EYS: variants seen among roughly 807,000 people sequenced by gnomAD.
EYS encodes the protein protein eyes shut homolog.
In EYS, 250 loss-of-function variants were observed where a neutral mutation model predicts 282.1. The observed-to-expected ratio is 0.89, with a 90% CI of 0.80 to 0.98. The LOEUF (loss-of-function observed/expected upper bound fraction) is 0.98, where lower values mean the gene tolerates loss of function less well. Ranked by LOEUF, EYS falls within the 50% of genes least tolerant of loss-of-function variation. EYS has a pLI of 0.00. For missense variants in EYS, 4,016 were observed against 3,709.0 expected (o/e 1.08, Z -2.15); for synonymous variants, 1,355 against 1,282.9 (o/e 1.06, Z -1.20).
rs527236067 is a variant in EYS, at chr6:63,721,226, G to T, written c.8805C>A (p.Tyr2935Ter). The T allele has an allele frequency of 4.3e-5, 66 of 1,551,654 alleles. No homozygotes were observed. The East Asian group carries it at 1.6e-3, about 37-fold the overall frequency. Residue 2935 changes from tyrosine (Y) to a stop codon, truncating the protein, a stop_gained, in exon 43 of 43, where the codon TAC becomes TAA. Coordinates refer to ENST00000503581, the MANE Select transcript of EYS (RefSeq NM_001142800.2). LOFTEE classifies it high-confidence loss of function. ...SLCIPDQSFS[Y>*]SCLCTLGWVG... is the part of the protein sequence containing the mutation. ...CCCAACCCAAAGTACACAGGCAACTGTAAGAAAATGATTGGTCAGGTATAC... is the reference window on the plus strand; with the variant it reads ...CCCAACCCAAAGTACACAGGCAACTTTAAGAAAATGATTGGTCAGGTATAC...
intron 29 of EYS, among the ~76,000 whole-genome samples, chr6:64,321,368 A>G (rs1428769294): frequency 1.3e-5 from 2 of 151,824 alleles, no homozygotes; most frequent in East Asian, 3.8e-4. Context: ...ATATAATCAA[A>G]TTTCATTAGT....
At chr6:64,526,421 A>C (rs1777922079) in intron 26 of EYS, among the ~76,000 whole-genome samples, 1 of 151,816 alleles carries the variant, frequency 6.6e-6, no homozygotes, top group South Asian at 2.1e-4. Flanking sequence ...AAAAAGTTTA[A>C]TTTAAAACAA....
rs564564005 is a variant in EYS at position 64,655,815 on chromosome 6, T to C, written c.3444-29570A>G. Among the ~76,000 whole-genome samples the C allele has an allele frequency of 2.6e-5, 4 of 152,262 alleles. No homozygotes were observed. The South Asian group carries it at 8.3e-4, about 32-fold the overall frequency. ...ATAATAAATATCATATGGTCCATAA[T>C]GAATAGTATAGTGAATGCATACATC... is the stretch of plus-strand genomic sequence containing the variant. On this transcript the variant is annotated intron_variant, in intron 22 of 42. Transcript: ENST00000503581.
chr6:65,681,043 G>T (rs538786688), intron 1 of EYS, among the ~76,000 whole-genome samples: 1 of 150,410 alleles, frequency 6.6e-6, no homozygotes, highest in Admixed American at 6.7e-5. Flanking sequence ...CATCATCTAT[G>T]GGGGCCAACA....
At chr6:63,825,621 A>C (rs1226457408) in intron 36 of EYS, among the ~76,000 whole-genome samples, 1 of 152,172 alleles carries the variant, frequency 6.6e-6, no homozygotes, top group Admixed American at 6.5e-5. Context: ...GACTCGCTGG[A>C]TGGTTAGACC....
In EYS at chr6:64,325,648, T is replaced by C. The variant is rs913154135; in HGVS notation, c.6079-18566A>G. Among the ~76,000 whole-genome samples the C allele has an allele frequency of 2.6e-5, 4 of 151,998 alleles. No individual in the cohort carries two copies. The South Asian group carries it at 6.2e-4, about 24-fold the overall frequency. On this transcript the variant is annotated intron_variant, in intron 29 of 42. Transcript: ENST00000503581. Reference sequence around the variant, plus strand: ...GGCACCAGAGAAAGGTGAAGCCCAGTGCAAGGAAATCCAAAAAACAATACA... The same window carrying C: ...GGCACCAGAGAAAGGTGAAGCCCAGCGCAAGGAAATCCAAAAAACAATACA...
chr6:64,417,111 G>C (rs1242214966), intron 28 of EYS, among the ~76,000 whole-genome samples: 1 of 152,014 alleles, frequency 6.6e-6, no homozygotes, highest in Non-Finnish European at 1.5e-5. Flanking sequence ...TGGACACAGT[G>C]GTATGATAAT....
At chr6:64,346,172 C>T (rs1219212878) in intron 29 of EYS, among the ~76,000 whole-genome samples, 22 of 151,938 alleles carry the variant, frequency 1.4e-4, no homozygotes, top group South Asian at 1.0e-3. Context: ...GAACTAGAAA[C>T]ACCATTTGAC....
intron 19 of EYS, among the ~76,000 whole-genome samples, chr6:64,870,547 A>C (rs961560516): frequency 2.6e-5 from 4 of 151,878 alleles, no homozygotes; most frequent in African/African-American, 9.6e-5. Context: ...AGAAGGAAAC[A>C]GGAAAAGATG....
intron 29 of EYS, among the ~76,000 whole-genome samples, chr6:64,350,209 T>C (rs1271482497): frequency 6.6e-6 from 1 of 151,462 alleles, no homozygotes; most frequent in Non-Finnish European, 1.5e-5. Flanking sequence ...CAGATCCACA[T>C]CTATAATGTT....
chr6:65,232,140 G>C (rs1384529741), intron 12 of EYS, among the ~76,000 whole-genome samples: 2 of 151,952 alleles, frequency 1.3e-5, no homozygotes, highest in Non-Finnish European at 2.9e-5. Flanking sequence ...GAAGTTCCAA[G>C]AGACATATTC....
intron 35 of EYS, among the ~76,000 whole-genome samples, chr6:63,902,717 AT>A (rs1773686451): frequency 6.6e-6 from 1 of 152,212 alleles, no homozygotes; most frequent in Admixed American, 6.5e-5. Flanking sequence ...CACTAAGAAA[AT>A]AATACAAAAT....
At chr6:64,626,053 C>T (rs1767598628) in intron 23 of EYS, 68 bp downstream of exon 23, 2 of 917,208 alleles carry the variant, frequency 2.2e-6, no homozygotes, top group African/African-American at 3.4e-5. Flanking sequence ...CATACATGTC[C>T]ATATACATTT....
intron 28 of EYS, among the ~76,000 whole-genome samples, chr6:64,423,794 C>A (rs926168279): frequency 6.6e-6 from 1 of 151,972 alleles, no homozygotes; most frequent in African/African-American, 2.4e-5. Flanking sequence ...GACGACAGAG[C>A]AAGACTCCAT....
chr6:65,287,302 T>C (rs1055922217), intron 12 of EYS, among the ~76,000 whole-genome samples: 1 of 151,522 alleles, frequency 6.6e-6, no homozygotes, highest in African/African-American at 2.4e-5. Context: ...ATGCTAAACA[T>C]ATCATTACAA....
At chr6:65,198,183 C>A (rs1308578993) in intron 12 of EYS, among the ~76,000 whole-genome samples, 1 of 151,978 alleles carries the variant, frequency 6.6e-6, no homozygotes, top group Non-Finnish European at 1.5e-5. Flanking sequence ...CAATAAGGAT[C>A]ATCAATATCA....
intron 12 of EYS, among the ~76,000 whole-genome samples, chr6:65,063,400 G>A (rs1043648118): frequency 2.0e-5 from 3 of 151,914 alleles, no homozygotes; most frequent in Admixed American, 6.6e-5. Flanking sequence ...TGTATAGCAC[G>A]TTATATGAGA....
intron 13 of EYS, among the ~76,000 whole-genome samples, chr6:65,050,427 T>G (rs921185984): frequency 6.6e-6 from 1 of 151,668 alleles, no homozygotes; most frequent in African/African-American, 2.4e-5. Context: ...ATTGGATTAA[T>G]AACTTATTAT....
intron 5 of EYS, among the ~76,000 whole-genome samples, chr6:65,443,798 T>A (rs1024106943): frequency 6.6e-6 from 1 of 151,818 alleles, no homozygotes; most frequent in African/African-American, 2.4e-5. Context: ...ATATACATTA[T>A]GTACACATAT....
Sources: gnomAD v4.1 joint callset for allele counts (sites outside exome capture counted in the v4.1 genomes callset) on GRCh38, gnomAD v4.1.1 for gene constraint, MANE v1.5 for transcripts, NCBI Gene and HGNC (gene_info 2026-07-23, HGNC 2026-07-21) for gene names.